The following C1orf87 variants were observed in gnomAD, a reference collection of about 807,000 sequenced individuals.
C1orf87 encodes chromosome 1 open reading frame 87.
C1orf87 carries 58 observed loss-of-function variants against 60.5 expected under a neutral mutation model. That is an observed-to-expected ratio of 0.96 (90% confidence interval 0.78 to 1.19). C1orf87 has a LOEUF of 1.19. C1orf87 is among the 50% of genes most tolerant of loss of function. C1orf87 has a pLI of 0.00. For synonymous variants in C1orf87, 236 were observed against 227.4 expected, an observed-to-expected ratio of 1.04 and a Z score of -0.34; for missense variants, 673 against 638.6, an observed-to-expected ratio of 1.05 and a Z score of -0.58.
Position 60,010,427 on chromosome 1 carries a change from C to A in C1orf87, c.1157G>T (p.Arg386Ile), listed in dbSNP as rs1233091471. Residue 386 changes from arginine (R) to isoleucine (I), a missense_variant, in exon 9 of 12, where the codon AGA (arginine) becomes ATA (isoleucine). Transcript: ENST00000371201. The part of the protein sequence containing the change: ...KWQNFVEMLT[R>I]ASSDLLSDLP... ...ATCAGATAACAAATCAGAAGAAGCTCTGGTCAGCATCTCAACAAAATTCTG... is the reference window on the plus strand; with the variant it reads ...ATCAGATAACAAATCAGAAGAAGCTATGGTCAGCATCTCAACAAAATTCTG... 1 of 1,612,506 alleles carries A rather than the reference C, an allele frequency of 6.2e-7. No individual in the cohort carries two copies. The highest frequency in any genetic ancestry group is 8.5e-7 in the Non-Finnish European group (1 of 1,178,962).
chr1:60,059,244 C>T (rs1003692215), intron 2 of C1orf87, among the ~76,000 whole-genome samples: 1 of 152,098 alleles, frequency 6.6e-6, no homozygotes, highest in Admixed American at 6.6e-5. Context: ...GTACCATCTA[C>T]CTACATTACT....
chr1:60,050,984 C>A (rs185060819), intron 3 of C1orf87, among the ~76,000 whole-genome samples: 1 of 152,102 alleles, frequency 6.6e-6, no homozygotes, highest in Non-Finnish European at 1.5e-5. Flanking sequence ...GATAATGCTT[C>A]TTGATAGAGC....
At chr1:60,022,189 T>C (rs1292488541) in intron 8 of C1orf87, among the ~76,000 whole-genome samples, 1 of 151,332 alleles carries the variant, frequency 6.6e-6, no homozygotes, top group Non-Finnish European at 1.5e-5. Flanking sequence ...TGCAAACACT[T>C]TTAGGTTTTT....
chr1:60,024,148 T>A (rs916241290), intron 8 of C1orf87, among the ~76,000 whole-genome samples: 13 of 152,218 alleles, frequency 8.5e-5, no homozygotes, highest in Non-Finnish European at 1.6e-4. Flanking sequence ...CTACTTTTCC[T>A]GCTTCTTTTT....
intron 2 of C1orf87, among the ~76,000 whole-genome samples, chr1:60,057,754 T>C (rs1274215339): frequency 6.6e-6 from 1 of 152,078 alleles, no homozygotes; most frequent in African/African-American, 2.4e-5. Context: ...ATCGGGGAAA[T>C]GATGGGGTAG....
chr1:60,042,662 C>G (rs202028200), intron 3 of C1orf87, among the ~76,000 whole-genome samples: 1 of 142,108 alleles, frequency 7.0e-6, no homozygotes, highest in South Asian at 2.3e-4. Context: ...AATCCTTACA[C>G]AACAATACAA....
intron 9 of C1orf87, among the ~76,000 whole-genome samples, chr1:60,006,844 T>C (rs1645049636): frequency 6.6e-6 from 1 of 152,082 alleles, no homozygotes; most frequent in African/African-American, 2.4e-5. Context: ...CTTTATTCTC[T>C]TTCTCCTATT....
chr1:60,050,264 C>A (rs948542012), intron 3 of C1orf87, among the ~76,000 whole-genome samples: 8 of 151,956 alleles, frequency 5.3e-5, no homozygotes, highest in African/African-American at 1.7e-4. Flanking sequence ...AAACAGCATG[C>A]CTTTCCATTT....
At chr1:59,999,563 T>C (rs1644986994) in intron 10 of C1orf87, among the ~76,000 whole-genome samples, 1 of 152,090 alleles carries the variant, frequency 6.6e-6, no homozygotes, top group African/African-American at 2.4e-5. Context: ...CTTTGACCAC[T>C]GAAGACAAGG....
chr1:60,016,241 G>C (rs186571062), intron 8 of C1orf87, among the ~76,000 whole-genome samples: 1 of 152,310 alleles, frequency 6.6e-6, no homozygotes, highest in Admixed American at 6.5e-5. Flanking sequence ...CATCTGTGAA[G>C]TGGTTCTAAA....
intron 9 of C1orf87, among the ~76,000 whole-genome samples, chr1:60,001,424 A>T (rs1421648522): frequency 6.6e-6 from 1 of 152,114 alleles, no homozygotes; most frequent in Non-Finnish European, 1.5e-5. Flanking sequence ...ACTAAAGAAA[A>T]ATATGAGAAA....
At chr1:60,053,092 A>G (rs975386247) in intron 3 of C1orf87, among the ~76,000 whole-genome samples, 1 of 152,252 alleles carries the variant, frequency 6.6e-6, no homozygotes, top group Non-Finnish European at 1.5e-5. Context: ...TACCTAATGA[A>G]CATGCTACCT....
intron 9 of C1orf87, among the ~76,000 whole-genome samples, chr1:60,007,371 T>G (rs79385633): frequency 0.021 from 3,162 of 152,206 alleles, 90 homozygotes; most frequent in African/African-American, 0.072. Flanking sequence ...TTTTATAAAT[T>G]TAAGTGTAGA....
chr1:60,017,279 A>G (rs182622030), intron 8 of C1orf87, among the ~76,000 whole-genome samples: 91 of 152,310 alleles, frequency 6.0e-4, no homozygotes, highest in African/African-American at 2.2e-3. Flanking sequence ...CTTGCTACCT[A>G]ACACTTTTCC....
chr1:60,001,795 A>G (rs1161046887), intron 9 of C1orf87, among the ~76,000 whole-genome samples: 3 of 152,026 alleles, frequency 2.0e-5, no homozygotes, highest in Admixed American at 6.6e-5. Flanking sequence ...GCTTCTTTCA[A>G]TGGTCGGTGG....
At chr1:60,012,326 C>T (rs1035999963) in intron 8 of C1orf87, among the ~76,000 whole-genome samples, 2 of 152,058 alleles carry the variant, frequency 1.3e-5, no homozygotes, top group African/African-American at 4.8e-5. Context: ...GATAACGCCT[C>T]TGGATAAAAT....
chr1:60,002,786 A>C (rs975297745), intron 9 of C1orf87, among the ~76,000 whole-genome samples: 1 of 151,844 alleles, frequency 6.6e-6, no homozygotes, highest in African/African-American at 2.4e-5. Flanking sequence ...ATCTCACACC[A>C]GTTAGAATGG....
At chr1:60,023,993 C>G (rs1279999535) in intron 8 of C1orf87, among the ~76,000 whole-genome samples, 1 of 152,026 alleles carries the variant, frequency 6.6e-6, no homozygotes, top group East Asian at 1.9e-4. Flanking sequence ...TTTTAATCTT[C>G]CTTATCTTTC....
Position 59,990,416 on chromosome 1 carries a change from T to TA in C1orf87, c.*256dup. Reference sequence around the variant, plus strand: ...ATGTAATATTAATAATAAGTTTTATTAAAACAGAAGGAGATTCTAAGTAGC... The same window carrying TA: ...ATGTAATATTAATAATAAGTTTTATTAAAAACAGAAGGAGATTCTAAGTAGC... On this transcript the variant is annotated 3_prime_UTR_variant, in exon 12 of 12. Coordinates refer to ENST00000371201, the MANE Select transcript of C1orf87 (RefSeq NM_152377.3). 1 of 262,970 alleles carries TA rather than the reference T, an allele frequency of 3.8e-6. No individual in the cohort carries two copies. The highest frequency in any genetic ancestry group is 7.1e-6 in the Non-Finnish European group (1 of 140,512). The allele number at this position is 262,970 out of a possible 1,614,324, so 16.3% of individuals were successfully genotyped here. A position where few individuals can be genotyped will look rare whatever the true frequency, so the allele number is the denominator to read the frequency against.
Sources: gnomAD v4.1 joint callset for allele counts (sites outside exome capture counted in the v4.1 genomes callset) on GRCh38, gnomAD v4.1.1 for gene constraint, MANE v1.5 for transcripts, NCBI Gene and HGNC (gene_info 2026-07-23, HGNC 2026-07-21) for gene names.